The following PRDM2 variants were observed in gnomAD, a reference collection of about 807,000 sequenced individuals.
PRDM2 encodes the protein PR domain zinc finger protein 2.
In PRDM2, 30 loss-of-function variants were observed where a neutral mutation model predicts 130.0. The observed-to-expected ratio is 0.23, with a 90% CI of 0.17 to 0.31. The LOEUF (loss-of-function observed/expected upper bound fraction) is 0.31. PRDM2 is among the 10% of genes least tolerant of loss of function. PRDM2 has a pLI of 1.00. For missense variants in PRDM2, 2,011 were observed against 2,108.4 expected, an observed-to-expected ratio of 0.95 and a Z score of 0.90; for synonymous variants, 871 against 782.4, an observed-to-expected ratio of 1.11 and a Z score of -1.89.
At chr1:13,759,229 T>G (rs1352010998) in intron 6 of PRDM2, among the ~76,000 whole-genome samples, 2 of 151,404 alleles carry the variant, frequency 1.3e-5, no homozygotes, top group Middle Eastern at 3.4e-3. Flanking sequence ...TTTATAAACC[T>G]ACCTCTTGGG....
chr1:13,768,061 A>G (rs778471954), intron 6 of PRDM2, among the ~76,000 whole-genome samples: 1 of 143,666 alleles, frequency 7.0e-6, no homozygotes, highest in Non-Finnish European at 1.5e-5. Context: ...CATTTTTAAC[A>G]TTTTGTCCTT....
At chr1:13,734,116 G>A (rs1034229748) in intron 4 of PRDM2, among the ~76,000 whole-genome samples, 1 of 152,148 alleles carries the variant, frequency 6.6e-6, no homozygotes, top group Non-Finnish European at 1.5e-5. Context: ...CTATTAACGG[G>A]GGGTGTCTTA....
intron 6 of PRDM2, among the ~76,000 whole-genome samples, chr1:13,752,840 T>C (rs1310426804): frequency 6.6e-6 from 1 of 152,220 alleles, no homozygotes; most frequent in Non-Finnish European, 1.5e-5. Flanking sequence ...GAAGTTTCCC[T>C]AGCCTTAAAA....
intron 5 of PRDM2, 77 bp downstream of exon 5, chr1:13,742,234 T>G: frequency 6.8e-7 from 1 of 1,469,884 alleles, no homozygotes; most frequent in Non-Finnish European, 9.4e-7. Context: ...ACGGTCTCAT[T>G]CTGTCTCTCA....
At chr1:13,734,113 C>CG (rs756028982) in intron 4 of PRDM2, among the ~76,000 whole-genome samples, 7 of 152,156 alleles carry the variant, frequency 4.6e-5, no homozygotes, top group South Asian at 2.1e-4. Context: ...TGACTATTAA[C>CG]GGGGGGTGTC....
At chr1:13,729,234 CT>C (rs1643023625) in intron 2 of PRDM2, among the ~76,000 whole-genome samples, 1 of 152,166 alleles carries the variant, frequency 6.6e-6, no homozygotes, top group African/African-American at 2.4e-5. Context: ...ATTAGAATTA[CT>C]GTGAAAGTGC....
At chr1:13,778,267 A>T in intron 7 of PRDM2, 151 bp from the exon 8 acceptor site, 1 of 812,924 alleles carries the variant, frequency 1.2e-6, no homozygotes, top group Non-Finnish European at 1.9e-6. Flanking sequence ...TTTGTCAATT[A>T]AGTATATAAA....
chr1:13,720,976 T>G (rs1569730757), intron 2 of PRDM2, among the ~76,000 whole-genome samples: 1 of 152,242 alleles, frequency 6.6e-6, no homozygotes, highest in African/African-American at 2.4e-5. Flanking sequence ...TCATAGGACA[T>G]GTCTGTCACC....
intron 4 of PRDM2, among the ~76,000 whole-genome samples, chr1:13,739,372 A>G (rs1222961818): frequency 6.6e-6 from 1 of 152,052 alleles, no homozygotes; most frequent in African/African-American, 2.4e-5. Context: ...TCAATCATCA[A>G]CGTATTGTGA....
intron 8 of PRDM2, among the ~76,000 whole-genome samples, chr1:13,784,372 A>T (rs772537699): frequency 6.6e-6 from 1 of 152,174 alleles, no homozygotes; most frequent in Non-Finnish European, 1.5e-5. Context: ...GTGTGCCTTC[A>T]TTTTCACAGA....
intron 3 of PRDM2, 66 bp downstream of exon 3, chr1:13,731,183 CAGGGG>C: frequency 7.8e-7 from 1 of 1,284,154 alleles, no homozygotes; most frequent in Non-Finnish European, 1.1e-6. Flanking sequence ...AGGCTTCCTG[CAGGGG>C]CATGTCAGGT....
rs113716324 is a variant in PRDM2 at position 13,719,482 on chromosome 1, C to T, written c.9+3868C>T. On this transcript the variant is annotated intron_variant, in intron 2 of 9. Transcript: ENST00000311066. Reference sequence around the variant, plus strand: ...CTGATTTTCATTTTTAGGATGTCCTCCCCACTGTGCTATGGAGACTGGATT... The same window carrying T: ...CTGATTTTCATTTTTAGGATGTCCTTCCCACTGTGCTATGGAGACTGGATT... Among the ~76,000 whole-genome samples the T allele has an allele frequency of 4.9e-3, 742 of 152,206 alleles. 9 individuals carry two copies. Among genetic ancestry groups the T allele is most frequent in the African/African-American group, 0.017 (707 of 41,526 alleles).
chr1:13,772,589 A>G (rs1402723072), intron 6 of PRDM2, among the ~76,000 whole-genome samples: 2 of 152,236 alleles, frequency 1.3e-5, no homozygotes, highest in African/African-American at 4.8e-5. Context: ...GAAATTCCGC[A>G]GAATCTCTGC....
Position 13,823,536 on chromosome 1 carries a change from AC to A in PRDM2, c.*402del. ...TGAGTTGTCTTTTGCCATTATGGGG[AC>A]TTTGGTTTGACCCAGGGGTCAGCCT... On this transcript the variant is annotated 3_prime_UTR_variant, in exon 10 of 10. Coordinates refer to ENST00000311066, the MANE Select transcript of PRDM2 (RefSeq NM_001393986.1). 3.3e-6 allele frequency: 1 copy of A among 302,936 alleles called. No homozygotes were observed. Among genetic ancestry groups the A allele is most frequent in the East Asian group, 7.6e-5 (1 of 13,200 alleles). The allele number at this position is 302,936 out of a possible 1,614,324, so 18.8% of individuals were successfully genotyped here.
intron 8 of PRDM2, among the ~76,000 whole-genome samples, chr1:13,793,299 C>T (rs1260485656): frequency 6.6e-6 from 1 of 152,238 alleles, no homozygotes; most frequent in Non-Finnish European, 1.5e-5. Flanking sequence ...GATCCAATGG[C>T]TGATGGCTGT....
intron 5 of PRDM2, among the ~76,000 whole-genome samples, chr1:13,744,717 G>A (rs140901150): frequency 2.0e-5 from 3 of 152,228 alleles, no homozygotes; most frequent in African/African-American, 7.2e-5. Flanking sequence ...AGCTATACTA[G>A]TACTATTATT....
At chr1:13,820,085 C>T (rs750272101) in intron 9 of PRDM2, among the ~76,000 whole-genome samples, 6 of 152,142 alleles carry the variant, frequency 3.9e-5, no homozygotes, top group African/African-American at 4.8e-5. Context: ...CACGGAGGGG[C>T]GTGTGGCAGA....
Position 13,824,272 on chromosome 1 carries a change from G to A in PRDM2, c.*1137G>A, listed in dbSNP as rs1301440507. On this transcript the variant is annotated 3_prime_UTR_variant, in exon 10 of 10. Coordinates refer to ENST00000311066, the MANE Select transcript of PRDM2 (RefSeq NM_001393986.1). Reference sequence around the variant, plus strand: ...TGTTTTCTCAGCTCCAATTTCAAGAGTGAGCTATCAAACCCAGAGCGGAAG... The same window carrying A: ...TGTTTTCTCAGCTCCAATTTCAAGAATGAGCTATCAAACCCAGAGCGGAAG... 6.6e-6 allele frequency: 1 copy of A among 152,628 alleles called. No homozygotes were observed. 9.5% of individuals were successfully genotyped at this position (152,628 alleles called of 1,614,324 possible). A position where few individuals can be genotyped will look rare whatever the true frequency, so the allele number is the denominator to read the frequency against.
intron 2 of PRDM2, among the ~76,000 whole-genome samples, chr1:13,728,645 G>A (rs746430619): frequency 8.9e-5 from 13 of 146,124 alleles, no homozygotes; most frequent in African/African-American, 2.4e-5. Flanking sequence ...CTGGGTGTAT[G>A]AGTCCAAAAG....
Sources: gnomAD v4.1 joint callset for allele counts (sites outside exome capture counted in the v4.1 genomes callset) on GRCh38, gnomAD v4.1.1 for gene constraint, MANE v1.5 for transcripts, NCBI Gene and HGNC (gene_info 2026-07-23, HGNC 2026-07-21) for gene names.